The following NELFCD variants were observed in gnomAD, a reference collection of about 807,000 sequenced individuals.
The protein encoded by NELFCD is negative elongation factor C/D.
In NELFCD, 48 loss-of-function variants were observed where a neutral mutation model predicts 72.9. The ratio of observed to expected loss-of-function variants is 0.66; its 90% confidence interval spans 0.52 to 0.84. The LOEUF (loss-of-function observed/expected upper bound fraction) is 0.84. NELFCD is among the 40% of genes least tolerant of loss of function. The pLI is 0.00. For missense variants in NELFCD, 538 were observed against 723.8 expected, an observed-to-expected ratio of 0.74 and a Z score of 2.94; for synonymous variants, 297 against 280.6, an observed-to-expected ratio of 1.06 and a Z score of -0.59.
chr20:58,989,390 A>G lies in NELFCD; in HGVS notation c.505-98A>G, dbSNP rs538345499. 2.5e-5 allele frequency: 36 copies of G among 1,426,094 alleles called. No individual in the cohort carries two copies. The East Asian group carries it at 8.2e-4, about 33-fold the overall frequency. The allele number at this position is 1,426,094 out of a possible 1,614,324, so 88.3% of individuals were successfully genotyped here. ...AAGGCCTGAGACCCACGACCAGCGC[A>G]CACTTACTCCACCTCACCATGAACA... On this transcript the variant is annotated intron_variant, in intron 5 of 14. Coordinates refer to ENST00000652272, the MANE Select transcript of NELFCD (RefSeq NM_198976.4).
rs748892550 is a variant in NELFCD, at chr20:58,987,763, G to C, written c.342G>C (p.Leu114=). The C allele has an allele frequency of 6.2e-7, 1 of 1,614,222 alleles. No individual in the cohort carries two copies. The highest frequency in any genetic ancestry group is 8.5e-7 in the Non-Finnish European group (1 of 1,180,042). ...TGGAAAATCACTTGAAGAGTTTGCTGATCAAACATTTTGACCCCCGCAAAG... is the reference window on the plus strand; with the variant it reads ...TGGAAAATCACTTGAAGAGTTTGCTCATCAAACATTTTGACCCCCGCAAAG... ...ETVENHLKSL[L]IKHFDPRKAD... is the part of the protein sequence containing the mutation. The change falls in exon 4 of 15, where the codon CTG becomes CTC. Residue 114 remains leucine (L), a synonymous_variant. Transcript: ENST00000652272.
chr20:58,986,239 AGGCTG>A lies in NELFCD; in HGVS notation c.176+34_176+38del. ...TGAGAAAGGTGTCTGTATTGGGAGG[AGGCTG>A]GGGGTAATTTAGAGAAAGTTTTGTA... On this transcript the variant is annotated intron_variant, in intron 2 of 14. Coordinates refer to ENST00000652272, the MANE Select transcript of NELFCD (RefSeq NM_198976.4). This position sits in a 1 kb window ranked among gnomAD's most constrained non-coding sequence, Gnocchi z 4.4. 7.1e-7 allele frequency: 1 copy of A among 1,413,838 alleles called. No homozygotes were observed. Among genetic ancestry groups the A allele is most frequent in the Non-Finnish European group, 1.0e-6 (1 of 997,600 alleles). The allele number at this position is 1,413,838 out of a possible 1,614,324, so 87.6% of individuals were successfully genotyped here.
Position 58,993,559 on chromosome 20 carries a change from T to C in NELFCD, c.1440+15T>C. 1 of 1,614,202 alleles carries C rather than the reference T, an allele frequency of 6.2e-7. No homozygotes were observed. Among genetic ancestry groups the C allele is most frequent in the East Asian group, 2.2e-5 (1 of 44,878 alleles). ...TGATGGAGCAGGTGAGCAGTGCCCG[T>C]GGGGCTTGCCAGAGGGCTGAGGAGG... On this transcript the variant is annotated intron_variant, in intron 12 of 14. Transcript: ENST00000652272. The surrounding 1 kb of genome is among the most constrained non-coding windows in gnomAD (Gnocchi z 5.0).
At chr20:58,991,829 C>A in intron 9 of NELFCD, 52 bp from the exon 10 acceptor site, 2 of 1,595,204 alleles carry the variant, frequency 1.3e-6, no homozygotes, top group Non-Finnish European at 1.7e-6. Context: ...AACACCCCGA[C>A]AGCAGGGATA....
At chr20:58,988,837 T>C (rs1041755827) in intron 4 of NELFCD, 77 bp from the exon 5 acceptor site, 2 of 1,063,520 alleles carry the variant, frequency 1.9e-6, no homozygotes, top group South Asian at 2.6e-5. Context: ...TCTCCTGTGA[T>C]CGTTTATACA....
At chr20:58,989,393 C>A in intron 5 of NELFCD, 95 bp from the exon 6 acceptor site, 1 of 1,455,826 alleles carries the variant, frequency 6.9e-7, no homozygotes, top group Non-Finnish European at 9.5e-7. Flanking sequence ...CCAGCGCACA[C>A]TTACTCCACC....
chr20:58,994,388 A>G, intron 14 of NELFCD, 149 bp downstream of exon 14: 3 of 794,684 alleles, frequency 3.8e-6, no homozygotes, highest in South Asian at 3.5e-5. Flanking sequence ...ACATGGAGAA[A>G]CCCCATCTCT....
intron 7 of NELFCD, 146 bp downstream of exon 7, chr20:58,990,134 C>T (rs765005615): frequency 9.5e-5 from 102 of 1,072,094 alleles, no homozygotes; most frequent in Non-Finnish European, 1.3e-4. Context: ...TGGTGGCTCA[C>T]GCCTGTAATC....
intron 4 of NELFCD, among the ~76,000 whole-genome samples, chr20:58,988,648 C>T (rs559208644): frequency 2.0e-5 from 3 of 152,098 alleles, no homozygotes; most frequent in Admixed American, 6.5e-5. Flanking sequence ...CAGCTCTATG[C>T]GGTTCTCGGT....
intron 3 of NELFCD, 85 bp from the exon 4 acceptor site, chr20:58,987,623 A>G: frequency 1.8e-6 from 2 of 1,082,040 alleles, no homozygotes; most frequent in Non-Finnish European, 2.8e-6. Flanking sequence ...TTTGATTCAC[A>G]TAGAGACTTT....
Position 58,987,773 on chromosome 20 carries a change from T to C in NELFCD, c.352T>C (p.Phe118Leu). ...CTTGAAGAGTTTGCTGATCAAACAT[T>C]TTGACCCCCGCAAAGCAGATTCTAT... ...NHLKSLLIKH[F>L]DPRKADSIFT... Residue 118 changes from phenylalanine to leucine, a missense_variant, in exon 4 of 15, where the codon TTT becomes CTT. Phe to Leu is a conservative substitution (Grantham distance 22). This residue lies in a region of NELFCD where 355 missense variants were observed against 534.5 expected (regional missense o/e 0.66). Coordinates refer to ENST00000652272, the MANE Select transcript of NELFCD (RefSeq NM_198976.4). 6.2e-7 allele frequency: 1 copy of C among 1,614,210 alleles called. No homozygotes were observed. Among genetic ancestry groups the C allele is most frequent in the Non-Finnish European group, 8.5e-7 (1 of 1,180,036 alleles).
chr20:58,993,170 T>G lies in NELFCD; in HGVS notation c.1344+58T>G, dbSNP rs1280229852. On this transcript the variant is annotated intron_variant, in intron 11 of 14. Coordinates refer to ENST00000652272, the MANE Select transcript of NELFCD (RefSeq NM_198976.4). This position sits in a 1 kb window ranked among gnomAD's most constrained non-coding sequence, Gnocchi z 5.0. ...CAGTGTCTGTCTCATGCTGTTTACG[T>G]TGGCATTAACATTGCATCTATTCAG... The G allele has an allele frequency of 1.6e-6, 2 of 1,286,328 alleles. No homozygotes were observed. Among genetic ancestry groups the G allele is most frequent in the African/African-American group, 2.9e-5 (2 of 68,646 alleles). 79.7% of individuals were successfully genotyped at this position (1,286,328 alleles called of 1,614,324 possible).
In NELFCD at chr20:58,992,650, A is replaced by G. The variant is rs569059935; in HGVS notation, c.1230-348A>G. On this transcript the variant is annotated intron_variant, in intron 10 of 14. Coordinates refer to ENST00000652272, the MANE Select transcript of NELFCD (RefSeq NM_198976.4). ...GTGGCTCTGGCCTGGAATCCCAGCA[A>G]TCTGGGAGGCCAAGGCAAGAAAATA... 6.6e-5 allele frequency among the ~76,000 whole-genome samples: 10 copies of G among 152,262 alleles called. No homozygotes were observed. The East Asian group carries it at 1.5e-3, about 24-fold the overall frequency.
intron 7 of NELFCD, 58 bp downstream of exon 7, chr20:58,990,046 C>T: frequency 6.3e-7 from 1 of 1,587,410 alleles, no homozygotes; most frequent in South Asian, 1.1e-5. Flanking sequence ...CAAAACCCTT[C>T]CCATGGCCCG....
chr20:58,991,847 T>G, intron 9 of NELFCD, 34 bp from the exon 10 acceptor site: 1 of 1,609,646 alleles, frequency 6.2e-7, no homozygotes, highest in East Asian at 2.2e-5. Flanking sequence ...ATATCTGCCC[T>G]GTCAGGCTCA....
At position 58,986,327 on chromosome 20, in the gene NELFCD, A is replaced by G. The variant is rs2091771893; in HGVS notation, c.176+119A>G. On this transcript the variant is annotated intron_variant, in intron 2 of 14. Transcript: ENST00000652272. The surrounding 1 kb of genome is among the most constrained non-coding windows in gnomAD (Gnocchi z 4.4). ...TAACGCGAACTGAACTAAAGGCTTC[A>G]AGGGGGGGTCCCCTCTGCCACTTTT... 1.5e-6 allele frequency: 1 copy of G among 669,846 alleles called. No individual in the cohort carries two copies. The highest frequency in any genetic ancestry group is 3.0e-5 in the Admixed American group (1 of 33,760). 41.5% of individuals were successfully genotyped at this position (669,846 alleles called of 1,614,324 possible).
intron 14 of NELFCD, 48 bp from the exon 15 acceptor site, chr20:58,994,594 A>G: frequency 1.4e-6 from 2 of 1,393,282 alleles, no homozygotes; most frequent in Non-Finnish European, 1.0e-6. Context: ...AGAAAATGTC[A>G]TGTTCTACTT....
rs1406371409 is a variant in NELFCD at position 58,986,514 on chromosome 20, T to G, written c.177-240T>G. ...GCCATCATGCCTGGCTATTTTTGTT[T>G]TTGTTTTTTGGGAGAGACAGGGCTC... is the stretch of plus-strand genomic sequence containing the variant. On this transcript the variant is annotated intron_variant, in intron 2 of 14. Coordinates refer to ENST00000652272, the MANE Select transcript of NELFCD (RefSeq NM_198976.4). The surrounding 1 kb of genome is among the most constrained non-coding windows in gnomAD (Gnocchi z 4.4). 19 of 557,196 alleles carry G rather than the reference T, an allele frequency of 3.4e-5. No homozygotes were observed. The highest frequency in any genetic ancestry group is 5.4e-5 in the Non-Finnish European group (17 of 317,654). The allele number at this position is 557,196 out of a possible 1,614,324, so 34.5% of individuals were successfully genotyped here.
Position 58,993,850 on chromosome 20 carries a change from A to G in NELFCD, c.1581+86A>G. On this transcript the variant is annotated intron_variant, in intron 13 of 14. Transcript: ENST00000652272. The surrounding 1 kb of genome is among the most constrained non-coding windows in gnomAD (Gnocchi z 5.0). ...GCTTAATTTAGTTCATTTTGTACCT[A>G]ACTGAGAACTGTGCTTTCTGATGTA... is the stretch of plus-strand genomic sequence containing the variant. The G allele has an allele frequency of 7.1e-7, 1 of 1,401,756 alleles. No homozygotes were observed. Among genetic ancestry groups the G allele is most frequent in the Non-Finnish European group, 9.9e-7 (1 of 1,013,398 alleles). 86.8% of individuals were successfully genotyped at this position (1,401,756 alleles called of 1,614,324 possible).
Sources: gnomAD v4.1 joint callset for allele counts (sites outside exome capture counted in the v4.1 genomes callset) on GRCh38, gnomAD v4.1.1 for gene constraint, gnomAD v4.1.1 regional missense constraint, Gnocchi (gnomAD v3.1) non-coding constraint, MANE v1.5 for transcripts, NCBI Gene and HGNC (gene_info 2026-07-23, HGNC 2026-07-21) for gene names.